The following SNX29 variants were observed in gnomAD, a reference collection of about 807,000 sequenced individuals.
SNX29 encodes the protein sorting nexin 29.
In SNX29, 78 loss-of-function variants were observed where a neutral mutation model predicts 102.1. The ratio of observed to expected loss-of-function variants is 0.76; its 90% CI spans 0.64 to 0.92. The LOEUF (loss-of-function observed/expected upper bound fraction) is 0.92, where lower values mean the gene tolerates loss of function less well. Ranked by LOEUF, SNX29 falls within the 40% of genes least tolerant of loss-of-function variation. SNX29 has a pLI of 0.00. For missense variants in SNX29, 1,280 were observed against 1,061.7 expected (o/e 1.21, Z -2.86); for synonymous variants, 580 against 414.5 (o/e 1.40, Z -4.85).
At chr16:12,061,165 T>G (rs1180113286) in intron 8 of SNX29, among the ~76,000 whole-genome samples, 2 of 152,200 alleles carry the variant, frequency 1.3e-5, no homozygotes, top group African/African-American at 4.8e-5. Context: ...TGGAATGAGC[T>G]TTCTCCACAA....
chr16:12,332,826 C>T (rs1374512304), intron 15 of SNX29, among the ~76,000 whole-genome samples: 3 of 152,106 alleles, frequency 2.0e-5, no homozygotes, highest in Non-Finnish European at 2.9e-5. Context: ...TCTTTCATTT[C>T]GTCTTGGCTG....
At chr16:12,150,069 G>T (rs940157123) in intron 13 of SNX29, among the ~76,000 whole-genome samples, 1 of 152,270 alleles carries the variant, frequency 6.6e-6, no homozygotes, top group African/African-American at 2.4e-5. Flanking sequence ...GATTCCCAAG[G>T]TCCCAATGAG....
At chr16:12,488,469 A>T (rs891923659) in intron 19 of SNX29, among the ~76,000 whole-genome samples, 27 of 151,986 alleles carry the variant, frequency 1.8e-4, no homozygotes, top group Non-Finnish European at 4.4e-5. Flanking sequence ...CCATGACACC[A>T]TAGAATTAGA....
chr16:12,545,890 T>G (rs1328174627), intron 20 of SNX29, among the ~76,000 whole-genome samples: 1 of 151,948 alleles, frequency 6.6e-6, no homozygotes, highest in Non-Finnish European at 1.5e-5. Context: ...GGCATTGGGG[T>G]GGGGTACCTG....
chr16:12,552,413 G>A (rs565060829), intron 20 of SNX29, among the ~76,000 whole-genome samples: 16 of 152,302 alleles, frequency 1.1e-4, no homozygotes, highest in East Asian at 3.9e-4. Flanking sequence ...TGGTGAGGAC[G>A]TGGTCAGTTC....
At chr16:12,254,277 AGT>A (rs2042233975) in intron 14 of SNX29, among the ~76,000 whole-genome samples, 1 of 152,090 alleles carries the variant, frequency 6.6e-6, no homozygotes, top group South Asian at 2.1e-4. Flanking sequence ...TTTCTGAGAG[AGT>A]GAGTGTAGGT....
intron 14 of SNX29, among the ~76,000 whole-genome samples, chr16:12,203,786 A>G: frequency 6.6e-6 from 1 of 152,302 alleles, no homozygotes; most frequent in African/African-American, 2.4e-5. Flanking sequence ...CTGTGTACTG[A>G]AGAAGAGATT....
At chr16:12,477,655 G>A (rs2087717860) in intron 18 of SNX29, 64 bp from the exon 19 acceptor site, 1 of 1,584,472 alleles carries the variant, frequency 6.3e-7, no homozygotes, top group Non-Finnish European at 8.6e-7. Flanking sequence ...GGAAAGCATA[G>A]CCGAAATCCT....
intron 18 of SNX29, among the ~76,000 whole-genome samples, chr16:12,442,175 C>A (rs1368921099): frequency 6.6e-6 from 1 of 152,130 alleles, no homozygotes; most frequent in Non-Finnish European, 1.5e-5. Flanking sequence ...AAAAAAAAAA[C>A]TGTTCTTTCC....
intron 20 of SNX29, among the ~76,000 whole-genome samples, chr16:12,538,577 C>G (rs896533807): frequency 1.3e-5 from 2 of 152,138 alleles, no homozygotes; most frequent in East Asian, 1.9e-4. Flanking sequence ...GCTGAGCTGG[C>G]TTCTGTGTCT....
chr16:12,097,194 G>A (rs182789735), intron 11 of SNX29, among the ~76,000 whole-genome samples: 9 of 152,348 alleles, frequency 5.9e-5, no homozygotes, highest in Non-Finnish European at 1.0e-4. Context: ...GTTAACTCAC[G>A]CATGTCTGCG....
At chr16:12,436,085 C>T (rs2085525421) in intron 18 of SNX29, among the ~76,000 whole-genome samples, 1 of 152,218 alleles carries the variant, frequency 6.6e-6, no homozygotes, top group African/African-American at 2.4e-5. Context: ...GCGCCGCACA[C>T]ACCGTGAGTT....
chr16:12,554,974 T>C (rs2078236439), intron 20 of SNX29, among the ~76,000 whole-genome samples: 1 of 148,394 alleles, frequency 6.7e-6, no homozygotes, highest in African/African-American at 2.6e-5. Context: ...GTGAGGGGGG[T>C]CAGTCAGCCG....
intron 20 of SNX29, among the ~76,000 whole-genome samples, chr16:12,528,668 A>C (rs900365859): frequency 6.6e-6 from 1 of 152,140 alleles, no homozygotes; most frequent in African/African-American, 2.4e-5. Flanking sequence ...TGGGTGGATC[A>C]CCTGCCTGCA....
chr16:12,371,876 T>A (rs1201276223), intron 16 of SNX29, among the ~76,000 whole-genome samples: 1 of 152,180 alleles, frequency 6.6e-6, no homozygotes, highest in African/African-American at 2.4e-5. Flanking sequence ...CTCCACCGAG[T>A]CCTGTCCCTC....
At chr16:11,982,061 G>C (rs901462444) in intron 1 of SNX29, among the ~76,000 whole-genome samples, 1 of 151,550 alleles carries the variant, frequency 6.6e-6, no homozygotes, top group Admixed American at 6.6e-5. Flanking sequence ...AAAAAAGCAG[G>C]GTGTAGAATT....
rs117688456 is a variant in SNX29, at chr16:12,551,740, A to G, written c.2319-16766A>G. Among the ~76,000 whole-genome samples, 71 of 152,290 alleles carry G rather than the reference A, an allele frequency of 4.7e-4. 1 individual carries two copies. The East Asian group carries it at 0.013, about 27-fold the overall frequency. Reference sequence around the variant, plus strand: ...TGTGAATGGGGACAGCTGACAAGAAATACTTCCTGGCTGCCTTGTACACAT... The same window carrying G: ...TGTGAATGGGGACAGCTGACAAGAAGTACTTCCTGGCTGCCTTGTACACAT... On this transcript the variant is annotated intron_variant, in intron 20 of 20. Transcript: ENST00000566228.
intron 18 of SNX29, among the ~76,000 whole-genome samples, chr16:12,476,392 A>ATATATATATATACG (rs1231173495): frequency 6.1e-5 from 1 of 16,364 alleles, no homozygotes; most frequent in African/African-American, 4.6e-4. Context: ...AAATATATAT[A>ATATATATATATACG]TATATATATA....
chr16:12,536,660 A>C (rs117927850), intron 20 of SNX29, among the ~76,000 whole-genome samples: 1 of 152,148 alleles, frequency 6.6e-6, no homozygotes, highest in Non-Finnish European at 1.5e-5. Context: ...GGTTCCTTAG[A>C]TCCAGGGAAG....
Sources: gnomAD v4.1 joint callset for allele counts (sites outside exome capture counted in the v4.1 genomes callset) on GRCh38, gnomAD v4.1.1 for gene constraint, MANE v1.5 for transcripts, NCBI Gene and HGNC (gene_info 2026-07-23, HGNC 2026-07-21) for gene names.